The following SFRP2 variants were observed in gnomAD, a reference collection of about 807,000 sequenced individuals.
SFRP2 encodes secreted frizzled-related protein 2.
In SFRP2, 16 loss-of-function variants were observed where a neutral mutation model predicts 26.0. The ratio of observed to expected loss-of-function variants is 0.61; its 90% confidence interval spans 0.42 to 0.93. The LOEUF (loss-of-function observed/expected upper bound fraction) is 0.93, where lower values mean the gene tolerates loss of function less well. Among genes scored for constraint, SFRP2 ranks in the 40% least tolerant of loss-of-function variants. The pLI, the probability that SFRP2 is intolerant of heterozygous loss-of-function variation, is 0.00. For synonymous variants in SFRP2, 173 were observed against 167.3 expected, an observed-to-expected ratio of 1.03 and a Z score of -0.26; for missense variants, 343 against 392.4, an observed-to-expected ratio of 0.87 and a Z score of 1.06.
At chr4:153,784,579 A>G (rs1170816504) in intron 2 of SFRP2, among the ~76,000 whole-genome samples, 1 of 152,168 alleles carries the variant, frequency 6.6e-6, no homozygotes, top group Admixed American at 6.5e-5. Context: ...AGAGACCTGG[A>G]GTTGTCAAAG....
At chr4:153,784,362 T>C (rs2405205) in intron 2 of SFRP2, among the ~76,000 whole-genome samples, 150,083 of 152,330 alleles carry the variant, frequency 0.99, 73,964 homozygotes, top group Middle Eastern at 1. Flanking sequence ...GCCTGGCTCT[T>C]AGCCAGTTTG....
intron 1 of SFRP2, among the ~76,000 whole-genome samples, chr4:153,786,884 A>C (rs1416771526): frequency 6.6e-6 from 1 of 151,790 alleles, no homozygotes; most frequent in Non-Finnish European, 1.5e-5. Context: ...GAACAATTAT[A>C]TTGCCCTTCT....
At chr4:153,788,133 G>A (rs1741242104) in intron 1 of SFRP2, among the ~76,000 whole-genome samples, 1 of 152,226 alleles carries the variant, frequency 6.6e-6, no homozygotes, top group Admixed American at 6.5e-5. Context: ...GGAGGAGAAT[G>A]CGCGAGACTT....
chr4:153,788,251 G>T, intron 1 of SFRP2, 83 bp downstream of exon 1: 1 of 1,470,312 alleles, frequency 6.8e-7, no homozygotes. Context: ...AAGCAGGGAT[G>T]CACTGGGATG....
In SFRP2 at chr4:153,789,011, CGAG is replaced by C; in HGVS notation, c.-179_-177del. ...CGGGACACCGGGAGGACAGCGCGGG[CGAG>C]GCGCTGCAAGCCCGCGCGCAGCTCC... On this transcript the variant is annotated 5_prime_UTR_variant, in exon 1 of 3. Coordinates refer to ENST00000274063, the MANE Select transcript of SFRP2 (RefSeq NM_003013.3). 1.5e-6 allele frequency: 1 copy of C among 688,426 alleles called. No homozygotes were observed. Among genetic ancestry groups the C allele is most frequent in the South Asian group, 2.3e-5 (1 of 42,962 alleles). The allele number at this position is 688,426 out of a possible 1,614,324, so 42.6% of individuals were successfully genotyped here.
At position 153,788,845 on chromosome 4, in the gene SFRP2, G is replaced by A; in HGVS notation, c.-10C>T. The stretch of plus-strand genomic sequence containing the variant: ...CAGGGCCCTGCAGCATCGTGGGCGC[G>A]CGACCCCGAGGGGGCAGAGGGAGCG... On this transcript the variant is annotated 5_prime_UTR_variant, in exon 1 of 3. Transcript: ENST00000274063. 5.7e-6 allele frequency: 9 copies of A among 1,575,150 alleles called. No homozygotes were observed. The highest frequency in any genetic ancestry group is 1.3e-5 in the African/African-American group (1 of 74,366).
At chr4:153,787,431 G>A (rs1320927595) in intron 1 of SFRP2, among the ~76,000 whole-genome samples, 1 of 152,250 alleles carries the variant, frequency 6.6e-6, no homozygotes, top group East Asian at 1.9e-4. Flanking sequence ...GGCTGCTGAA[G>A]CCCTGAAAGG....
chr4:153,781,584 T>G lies in SFRP2; in HGVS notation c.755A>C (p.Asp252Ala), dbSNP rs1226045936. Residue 252 changes from aspartate to alanine, a missense_variant, in exon 3 of 3, where the codon GAC (aspartate) becomes GCC (alanine). Transcript: ENST00000274063. ...CATGACCAGATAGGGCGCGTTGATG[T>G]CGTTCATCTCCTCACAGGTGCACTG... The part of the protein sequence containing the change: ...SLQCTCEEMN[D>A]INAPYLVMGQ... 5 of 1,614,198 alleles carry G rather than the reference T, an allele frequency of 3.1e-6. No homozygotes were observed. The highest frequency in any genetic ancestry group is 2.2e-5 in the East Asian group (1 of 44,884).
intron 2 of SFRP2, 99 bp from the exon 3 acceptor site, chr4:153,781,854 A>G: frequency 1.9e-6 from 2 of 1,071,210 alleles, no homozygotes; most frequent in Non-Finnish European, 2.8e-6. Flanking sequence ...CTGGATGAGG[A>G]AAGAGAGGCT....
In SFRP2 at chr4:153,788,891, G is replaced by C; in HGVS notation, c.-56C>G. 1 of 1,484,474 alleles carries C rather than the reference G, an allele frequency of 6.7e-7. No homozygotes were observed. Among genetic ancestry groups the C allele is most frequent in the South Asian group, 1.3e-5 (1 of 75,792 alleles). 92.0% of individuals were successfully genotyped at this position (1,484,474 alleles called of 1,614,324 possible). ...GAGCGGAGCCGGGGAAGGGCGAGGC[G>C]GCCGGAGTTCGAGCTTGTCCCGGGC... is the stretch of plus-strand genomic sequence containing the variant. On this transcript the variant is annotated 5_prime_UTR_variant, in exon 1 of 3. Coordinates refer to ENST00000274063, the MANE Select transcript of SFRP2 (RefSeq NM_003013.3).
Position 153,780,889 on chromosome 4 carries a change from T to G in SFRP2, c.*562A>C, listed in dbSNP as rs1741107519. ...AGTATTGTAGCTGGAATGTGATACA[T>G]GTAACAGTTTAAGTTCCCATTGAAG... On this transcript the variant is annotated 3_prime_UTR_variant, in exon 3 of 3. Transcript: ENST00000274063. 6.5e-6 allele frequency: 1 copy of G among 153,022 alleles called. No individual in the cohort carries two copies. The highest frequency in any genetic ancestry group is 2.4e-5 in the African/African-American group (1 of 41,468). 9.5% of individuals were successfully genotyped at this position (153,022 alleles called of 1,614,324 possible).
At chr4:153,785,355 A>G (rs941933113) in intron 2 of SFRP2, among the ~76,000 whole-genome samples, 2 of 152,076 alleles carry the variant, frequency 1.3e-5, no homozygotes, top group Admixed American at 6.5e-5. Flanking sequence ...ATTATTAATC[A>G]GTGCCTTGGA....
At chr4:153,783,798 G>T (rs1741158231) in intron 2 of SFRP2, among the ~76,000 whole-genome samples, 1 of 152,166 alleles carries the variant, frequency 6.6e-6, no homozygotes, top group Non-Finnish European at 1.5e-5. Flanking sequence ...AGGCAAGATG[G>T]AATAGTGCTT....
rs560520464 is a variant in SFRP2, at chr4:153,787,497, T to C, written c.502+837A>G. On this transcript the variant is annotated intron_variant, in intron 1 of 2. Coordinates refer to ENST00000274063, the MANE Select transcript of SFRP2 (RefSeq NM_003013.3). ...GACCCAAATCAGCTCAGAGGCATTGTATATGTTTTCCTTTCAGAAAAAATA... is the reference window on the plus strand; with the variant it reads ...GACCCAAATCAGCTCAGAGGCATTGCATATGTTTTCCTTTCAGAAAAAATA... Among the ~76,000 whole-genome samples the C allele has an allele frequency of 3.3e-5, 5 of 152,352 alleles. No individual in the cohort carries two copies. The South Asian group carries it at 6.2e-4, about 19-fold the overall frequency.
Position 153,788,902 on chromosome 4 carries a change from G to A in SFRP2, c.-67C>T. 1 of 1,465,750 alleles carries A rather than the reference G, an allele frequency of 6.8e-7. No homozygotes were observed. The highest frequency in any genetic ancestry group is 1.4e-5 in the South Asian group (1 of 73,500). The allele number at this position is 1,465,750 out of a possible 1,614,324, so 90.8% of individuals were successfully genotyped here. On this transcript the variant is annotated 5_prime_UTR_variant, in exon 1 of 3. Coordinates refer to ENST00000274063, the MANE Select transcript of SFRP2 (RefSeq NM_003013.3). Reference sequence around the variant, plus strand: ...GGGAAGGGCGAGGCGGCCGGAGTTCGAGCTTGTCCCGGGCCCGCTCTCTTC... The same window carrying A: ...GGGAAGGGCGAGGCGGCCGGAGTTCAAGCTTGTCCCGGGCCCGCTCTCTTC...
intron 1 of SFRP2, among the ~76,000 whole-genome samples, chr4:153,787,914 AGG>A (rs2127184451): frequency 6.6e-6 from 1 of 152,380 alleles, no homozygotes; most frequent in Admixed American, 6.5e-5. Context: ...AGGCTGAGCG[AGG>A]GGCCTCTGGC....
chr4:153,782,868 C>A (rs1035714654), intron 2 of SFRP2, among the ~76,000 whole-genome samples: 2 of 152,044 alleles, frequency 1.3e-5, no homozygotes, highest in African/African-American at 4.8e-5. Context: ...GACAGCTATT[C>A]TGTATAGATG....
intron 1 of SFRP2, 58 bp from the exon 2 acceptor site, chr4:153,786,002 G>T: frequency 1.8e-6 from 2 of 1,090,258 alleles, no homozygotes; most frequent in South Asian, 1.6e-5. Flanking sequence ...AGTAGGTGGC[G>T]TTTGTAAACA....
At position 153,788,785 on chromosome 4, in the gene SFRP2, G is replaced by A. The variant is rs1455008597; in HGVS notation, c.51C>T (p.Cys17=). 1.2e-6 allele frequency: 2 copies of A among 1,608,496 alleles called. No individual in the cohort carries two copies. The highest frequency in any genetic ancestry group is 1.3e-5 in the African/African-American group (1 of 74,982). ...SLLLLFLASH[C]CLGSARGLFL... ...AGAGCCCGCGCGCCGAGCCCAGGCAGCAGTGCGAGGCGAGGAAGAGCAGCA... is the reference window on the plus strand; with the variant it reads ...AGAGCCCGCGCGCCGAGCCCAGGCAACAGTGCGAGGCGAGGAAGAGCAGCA... The change falls in exon 1 of 3, where the codon TGC becomes TGT. Residue 17 remains cysteine, a synonymous_variant. Coordinates refer to ENST00000274063, the MANE Select transcript of SFRP2 (RefSeq NM_003013.3).
Sources: allele counts gnomAD v4.1 joint callset (sites outside exome capture counted in the v4.1 genomes callset), GRCh38; gene constraint gnomAD v4.1.1; transcripts MANE v1.5; gene names NCBI Gene and HGNC (gene_info 2026-07-23, HGNC 2026-07-21).